Variants in GABRB2 observed in about 807,000 individuals in gnomAD.
The protein encoded by GABRB2 is gamma-aminobutyric acid receptor subunit beta-2.
In GABRB2, 16 loss-of-function variants were observed where a neutral mutation model predicts 54.7. The ratio of observed to expected loss-of-function variants is 0.29; its 90% CI spans 0.20 to 0.44. The LOEUF is 0.44. GABRB2 is among the 20% of genes least tolerant of loss of function. GABRB2 has a pLI of 1.00. For synonymous variants in GABRB2, 244 were observed against 233.8 expected (o/e 1.04, Z -0.40); for missense variants, 355 against 644.0 (o/e 0.55, Z 4.86).
intron 5 of GABRB2, among the ~76,000 whole-genome samples, chr5:161,372,238 G>A (rs866536954): frequency 3.3e-5 from 5 of 152,164 alleles, no homozygotes; most frequent in South Asian, 2.1e-4. Flanking sequence ...ACTTCTCTTT[G>A]AAAAATTAGG....
intron 5 of GABRB2, among the ~76,000 whole-genome samples, chr5:161,371,813 C>G (rs941390358): frequency 6.6e-6 from 1 of 152,096 alleles, no homozygotes; most frequent in African/African-American, 2.4e-5. Flanking sequence ...CCACGACCTC[C>G]CAAGCTCTAG....
At chr5:161,411,637 C>T (rs1756519341) in intron 4 of GABRB2, among the ~76,000 whole-genome samples, 3 of 151,958 alleles carry the variant, frequency 2.0e-5, no homozygotes, top group Non-Finnish European at 4.4e-5. Context: ...TTCATGATCC[C>T]CTAGACAATA....
At chr5:161,442,762 CTT>C (rs1012802203) in intron 4 of GABRB2, among the ~76,000 whole-genome samples, 1 of 151,380 alleles carries the variant, frequency 6.6e-6, no homozygotes, top group Admixed American at 6.6e-5. Context: ...CTCTCTCTCT[CTT>C]TCTTTTTTTT....
intron 3 of GABRB2, among the ~76,000 whole-genome samples, chr5:161,535,323 T>A (rs1330524870): frequency 1.3e-5 from 2 of 152,194 alleles, no homozygotes; most frequent in East Asian, 3.8e-4. Context: ...ACACTGTGAA[T>A]AAAGTACCTA....
At chr5:161,518,448 T>G (rs1297500525) in intron 3 of GABRB2, among the ~76,000 whole-genome samples, 1 of 152,226 alleles carries the variant, frequency 6.6e-6, no homozygotes, top group East Asian at 1.9e-4. Flanking sequence ...GTAATGTTTC[T>G]AATAGTAAAT....
chr5:161,402,241 A>C (rs1052988420), intron 5 of GABRB2, among the ~76,000 whole-genome samples: 10 of 152,228 alleles, frequency 6.6e-5, no homozygotes, highest in African/African-American at 2.4e-4. Flanking sequence ...GGTTCATTTA[A>C]ATGTAGATAC....
chr5:161,326,322 C>T (rs1463239352), intron 9 of GABRB2, 46 bp downstream of exon 9: 2 of 1,605,458 alleles, frequency 1.2e-6, no homozygotes, highest in East Asian at 4.5e-5. Context: ...AACAAATTGG[C>T]CCCAACAGAA....
chr5:161,403,978 G>T (rs1202952837), intron 5 of GABRB2, among the ~76,000 whole-genome samples: 2 of 152,060 alleles, frequency 1.3e-5, no homozygotes, highest in East Asian at 3.8e-4. Context: ...TAGATAGAAA[G>T]AATTTCCTTG....
chr5:161,464,962 A>G (rs1758234827), intron 3 of GABRB2, among the ~76,000 whole-genome samples: 1 of 152,092 alleles, frequency 6.6e-6, no homozygotes, highest in African/African-American at 2.4e-5. Flanking sequence ...CTGCTTCTTA[A>G]TAGCAGTGGT....
chr5:161,443,514 T>G (rs1226333903), intron 4 of GABRB2, among the ~76,000 whole-genome samples: 1 of 152,200 alleles, frequency 6.6e-6, no homozygotes, highest in Non-Finnish European at 1.5e-5. Context: ...ACCTATTTAG[T>G]GACACAGATT....
At chr5:161,497,868 A>T (rs1759305168) in intron 3 of GABRB2, among the ~76,000 whole-genome samples, 1 of 152,002 alleles carries the variant, frequency 6.6e-6, no homozygotes, top group Non-Finnish European at 1.5e-5. Flanking sequence ...GCCTCTGGTG[A>T]CTCTGACTTT....
At position 161,367,849 on chromosome 5, in the gene GABRB2, A is replaced by G. The variant is rs150248794; in HGVS notation, c.542-31080T>C. On this transcript the variant is annotated intron_variant, in intron 5 of 9. Coordinates refer to ENST00000393959, the MANE Select transcript of GABRB2 (RefSeq NM_001371727.1). Reference sequence around the variant, plus strand: ...AGGAAATAGTCAACAGAATTTCACAACATTAAATGTCTCTTCCAAAGATAA... The same window carrying G: ...AGGAAATAGTCAACAGAATTTCACAGCATTAAATGTCTCTTCCAAAGATAA... 7.4e-3 allele frequency among the ~76,000 whole-genome samples: 1,130 copies of G among 152,274 alleles called. 15 individuals carry two copies. Among genetic ancestry groups the G allele is most frequent in the African/African-American group, 0.025 (1,022 of 41,550 alleles).
At chr5:161,464,043 A>G (rs530602886) in intron 3 of GABRB2, among the ~76,000 whole-genome samples, 8 of 152,078 alleles carry the variant, frequency 5.3e-5, no homozygotes, top group Non-Finnish European at 1.0e-4. Context: ...TTCAGCAAAG[A>G]CTTCTTAGAT....
At chr5:161,419,592 ATGTGGTATATATACAC>A (rs746020175) in intron 4 of GABRB2, among the ~76,000 whole-genome samples, 1 of 152,254 alleles carries the variant, frequency 6.6e-6, no homozygotes, top group Non-Finnish European at 1.5e-5. Flanking sequence ...GATAAGGAAA[ATGTGGTATATATACAC>A]TGTAGAATGC....
At chr5:161,481,822 C>T (rs934497902) in intron 3 of GABRB2, among the ~76,000 whole-genome samples, 1 of 151,882 alleles carries the variant, frequency 6.6e-6, no homozygotes, top group African/African-American at 2.4e-5. Context: ...TAGTCTGGAA[C>T]TAGAATGACT....
chr5:161,457,094 T>G (rs1757977481), intron 4 of GABRB2, among the ~76,000 whole-genome samples: 1 of 152,218 alleles, frequency 6.6e-6, no homozygotes, highest in African/African-American at 2.4e-5. Flanking sequence ...CCATTGAAGC[T>G]GGAATTGGAC....
At chr5:161,391,590 C>CA (rs1225287593) in intron 5 of GABRB2, among the ~76,000 whole-genome samples, 1 of 151,728 alleles carries the variant, frequency 6.6e-6, no homozygotes, top group African/African-American at 2.4e-5. Flanking sequence ...ACATCATCGC[C>CA]AAAAAAAGAT....
chr5:161,299,449 C>A (rs1229384237), intron 9 of GABRB2, among the ~76,000 whole-genome samples: 1 of 152,128 alleles, frequency 6.6e-6, no homozygotes, highest in Non-Finnish European at 1.5e-5. Flanking sequence ...CCCAAATCAA[C>A]AGAATCTGCT....
At chr5:161,461,920 T>C (rs561611593) in intron 3 of GABRB2, among the ~76,000 whole-genome samples, 7 of 152,298 alleles carry the variant, frequency 4.6e-5, no homozygotes, top group Non-Finnish European at 1.0e-4. Context: ...AAATCTTGCA[T>C]TTTTCTAACC....
Sources: gnomAD v4.1 joint callset for allele counts (sites outside exome capture counted in the v4.1 genomes callset) on GRCh38, gnomAD v4.1.1 for gene constraint, MANE v1.5 for transcripts, NCBI Gene and HGNC (gene_info 2026-07-23, HGNC 2026-07-21) for gene names.